Variants in PCDHGA12 observed in about 807,000 individuals in gnomAD.
PCDHGA12 encodes protocadherin gamma-A12.
A neutral mutation model predicts 61.1 loss-of-function variants in PCDHGA12; 43 were observed. That is an observed-to-expected ratio of 0.70 (90% CI 0.55 to 0.91). PCDHGA12 has a LOEUF of 0.91. Ranked by LOEUF, PCDHGA12 falls within the 40% of genes least tolerant of loss-of-function variation. The probability of loss-of-function intolerance (pLI) is 0.00; values close to 1 mark genes in which losing one functional copy is unlikely to be tolerated. For missense variants in PCDHGA12, 1,236 were observed against 1,227.7 expected (o/e 1.01, Z -0.10); for synonymous variants, 520 against 542.9 (o/e 0.96, Z 0.59).
rs745612756 is a variant in PCDHGA12 at position 141,487,150 on chromosome 5, T to C, written c.2425-7657T>C. The C allele has an allele frequency of 1.1e-5, 17 of 1,613,960 alleles. No individual in the cohort carries two copies. In the South Asian group the frequency reaches 1.6e-4, roughly 16 times the overall value. On this transcript the variant is annotated intron_variant, in intron 1 of 3. Transcript: ENST00000252085. This position sits in a 1 kb window ranked among gnomAD's most constrained non-coding sequence, Gnocchi z 5.0. The stretch of plus-strand genomic sequence containing the variant: ...GTAGTCCACCACTCTCTACCTCTGT[T>C]ACTCTCTTAGTGTCCTTAGAGGAAG...
At chr5:141,465,266 C>G (rs2099099623) in intron 1 of PCDHGA12, among the ~76,000 whole-genome samples, 1 of 152,096 alleles carries the variant, frequency 6.6e-6, no homozygotes, top group South Asian at 2.1e-4. Flanking sequence ...ATGATACTAG[C>G]CATTTAGTTC....
In PCDHGA12 at chr5:141,476,504, G is replaced by A; in HGVS notation, c.2425-18303G>A. On this transcript the variant is annotated intron_variant, in intron 1 of 3. Coordinates refer to ENST00000252085, the MANE Select transcript of PCDHGA12 (RefSeq NM_003735.3). This position sits in a 1 kb window ranked among gnomAD's most constrained non-coding sequence, Gnocchi z 7.6. ...GGAAGTGGTGATCCAGGACATCAAC[G>A]ACAACAATCCTGCTTTCCCTACCCA... The A allele has an allele frequency of 6.2e-7, 1 of 1,614,098 alleles. No individual in the cohort carries two copies. The highest frequency in any genetic ancestry group is 2.2e-5 in the East Asian group (1 of 44,854).
intron 1 of PCDHGA12, among the ~76,000 whole-genome samples, chr5:141,482,498 T>G (rs1226516612): frequency 1.5e-5 from 2 of 135,390 alleles, no homozygotes; most frequent in African/African-American, 3.0e-5. Context: ...GTTATCATTC[T>G]GGTACCCAGA....
At position 141,490,181 on chromosome 5, in the gene PCDHGA12, G is replaced by A. The variant is rs755899660; in HGVS notation, c.2425-4626G>A. ...GGTCCCATAGACTTTGAGGAGTCACGTTTCTATGAAATTCATGCAAGAGCC... is the reference window on the plus strand; with the variant it reads ...GGTCCCATAGACTTTGAGGAGTCACATTTCTATGAAATTCATGCAAGAGCC... On this transcript the variant is annotated intron_variant, in intron 1 of 3. Coordinates refer to ENST00000252085, the MANE Select transcript of PCDHGA12 (RefSeq NM_003735.3). This position sits in a 1 kb window ranked among gnomAD's most constrained non-coding sequence, Gnocchi z 5.4. The A allele has an allele frequency of 9.9e-6, 16 of 1,614,200 alleles. No homozygotes were observed. Among genetic ancestry groups the A allele is most frequent in the Middle Eastern group, 1.6e-4 (1 of 6,062 alleles).
At chr5:141,459,874 A>G (rs922438277) in intron 1 of PCDHGA12, among the ~76,000 whole-genome samples, 10 of 152,156 alleles carry the variant, frequency 6.6e-5, no homozygotes, top group African/African-American at 2.4e-4. Flanking sequence ...TTCATCTTTA[A>G]CTGAGCTGAA....
Position 141,431,581 on chromosome 5 carries a change from T to A in PCDHGA12, c.822T>A (p.Asn274Lys), listed in dbSNP as rs749863807. Reference sequence around the variant, plus strand: ...CTACCGACCCTGACGAAGGAGTCAATGCGGAAGTGAGGTATTCCTTCCGGT... The same window carrying A: ...CTACCGACCCTGACGAAGGAGTCAAAGCGGAAGTGAGGTATTCCTTCCGGT... ...VNATDPDEGVNAEVRYSFRYV... is the reference protein window; with the variant it reads ...VNATDPDEGVKAEVRYSFRYV... The change falls in exon 1 of 4, where the codon AAT becomes AAA. Residue 274 changes from asparagine to lysine, a missense_variant. Asn to Lys is a moderately conservative substitution (Grantham distance 94). Coordinates refer to ENST00000252085, the MANE Select transcript of PCDHGA12 (RefSeq NM_003735.3). This position sits in a 1 kb window ranked among gnomAD's most constrained non-coding sequence, Gnocchi z 4.8. 3.1e-6 allele frequency: 5 copies of A among 1,614,160 alleles called. No individual in the cohort carries two copies. In the South Asian group the frequency reaches 5.5e-5, roughly 18 times the overall value.
intron 1 of PCDHGA12, among the ~76,000 whole-genome samples, chr5:141,482,435 A>G (rs2099559555): frequency 6.6e-6 from 1 of 150,568 alleles, no homozygotes; most frequent in South Asian, 2.1e-4. Flanking sequence ...GATAATACTG[A>G]TATTCACCAT....
intron 1 of PCDHGA12, among the ~76,000 whole-genome samples, chr5:141,453,261 A>G (rs1387512741): frequency 6.6e-6 from 1 of 152,028 alleles, no homozygotes; most frequent in Non-Finnish European, 1.5e-5. Context: ...CTGCAAGTGC[A>G]CACCACCATG....
intron 1 of PCDHGA12, among the ~76,000 whole-genome samples, chr5:141,454,371 G>A (rs901551817): frequency 6.6e-6 from 1 of 152,096 alleles, no homozygotes; most frequent in Non-Finnish European, 1.5e-5. Context: ...AAGGAGTATG[G>A]CAACTTGTCA....
At chr5:141,495,379 C>T (rs989240656) in intron 2 of PCDHGA12, among the ~76,000 whole-genome samples, 3 of 152,208 alleles carry the variant, frequency 2.0e-5, no homozygotes, top group Non-Finnish European at 4.4e-5. Context: ...TGAGGAAGGA[C>T]TGGGCGGGGC....
At position 141,433,030 on chromosome 5, in the gene PCDHGA12, T is replaced by C. The variant is rs116611363; in HGVS notation, c.2271T>C (p.Val757=). The part of the protein sequence containing the change: ...QAFLQTYSHE[V]SLTTDSRKSH... ...TCCTGCAGACCTATTCCCACGAGGTTTCCCTCACCACGGACTCGCGGAAGA... is the reference window on the plus strand; with the variant it reads ...TCCTGCAGACCTATTCCCACGAGGTCTCCCTCACCACGGACTCGCGGAAGA... The change falls in exon 1 of 4, where the codon GTT becomes GTC. Residue 757 remains valine (V), a synonymous_variant. Transcript: ENST00000252085. 10,352 of 1,614,096 alleles carry C rather than the reference T, an allele frequency of 6.4e-3. 43 individuals are homozygous for C. The highest frequency in any genetic ancestry group is 8.6e-3 in the Middle Eastern group (52 of 6,062).
intron 3 of PCDHGA12, among the ~76,000 whole-genome samples, chr5:141,505,875 T>C (rs991981462): frequency 2.6e-4 from 40 of 152,140 alleles, no homozygotes; most frequent in African/African-American, 9.2e-4. Flanking sequence ...AAAGGGTTGT[T>C]GTAGAGATTA....
chr5:141,481,970 A>G (rs2099549884), intron 1 of PCDHGA12, among the ~76,000 whole-genome samples: 1 of 151,510 alleles, frequency 6.6e-6, no homozygotes, highest in Non-Finnish European at 1.5e-5. Flanking sequence ...CTGTAGTCAC[A>G]GCTACTTGGG....
chr5:141,440,181 G>A (rs1419736461), intron 1 of PCDHGA12: 7 of 152,312 alleles, frequency 4.6e-5, no homozygotes, highest in Non-Finnish European at 8.8e-5. Context: ...CTTTGAAATA[G>A]TTGAAGGCCA....
rs374200575 is a variant in PCDHGA12 at position 141,432,105 on chromosome 5, C to G, written c.1346C>G (p.Pro449Arg). Residue 449 changes from proline to arginine, a missense_variant, in exon 1 of 4, where the codon CCG becomes CGG. Pro to Arg is a moderately radical substitution (Grantham distance 103). Transcript: ENST00000252085. This position sits in a 1 kb window ranked among gnomAD's most constrained non-coding sequence, Gnocchi z 6.0. The stretch of plus-strand genomic sequence containing the variant: ...AACGTGGCAGACACCAACGACAACC[C>G]GCCGGTCTTCCCTCAGGCCTCCTAT... ...SLNVADTNDN[P>R]PVFPQASYSA... 1.2e-6 allele frequency: 2 copies of G among 1,614,172 alleles called. No individual in the cohort carries two copies. Among genetic ancestry groups the G allele is most frequent in the Non-Finnish European group, 1.7e-6 (2 of 1,180,034 alleles).
chr5:141,486,725 C>A lies in PCDHGA12; in HGVS notation c.2425-8082C>A. 1 of 1,614,182 alleles carries A rather than the reference C, an allele frequency of 6.2e-7. No individual in the cohort carries two copies. The highest frequency in any genetic ancestry group is 1.1e-5 in the South Asian group (1 of 91,076). On this transcript the variant is annotated intron_variant, in intron 1 of 3. Transcript: ENST00000252085. The surrounding 1 kb of genome is among the most constrained non-coding windows in gnomAD (Gnocchi z 5.0). ...TCTGAACCCCCAGACAGGAGCTGTT[C>A]ATGCTACTCGATCCTTTGACTATGA...
intron 1 of PCDHGA12, 129 bp from the exon 2 acceptor site, chr5:141,494,678 G>T: frequency 1.3e-6 from 2 of 1,554,384 alleles, no homozygotes; most frequent in East Asian, 4.7e-5. Flanking sequence ...GTCCACCCCT[G>T]CCCCCTCTTA....
Position 141,487,246 on chromosome 5 carries a change from C to T in PCDHGA12, c.2425-7561C>T. 1 of 1,614,166 alleles carries T rather than the reference C, an allele frequency of 6.2e-7. No individual in the cohort carries two copies. The highest frequency in any genetic ancestry group is 8.5e-7 in the Non-Finnish European group (1 of 1,180,014). ...GGGAAGGAGAATCTCGTCTAACCCTCTACTTGGCTGTGTCCCTAGTGGCAA... is the reference window on the plus strand; with the variant it reads ...GGGAAGGAGAATCTCGTCTAACCCTTTACTTGGCTGTGTCCCTAGTGGCAA... On this transcript the variant is annotated intron_variant, in intron 1 of 3. Coordinates refer to ENST00000252085, the MANE Select transcript of PCDHGA12 (RefSeq NM_003735.3). This position sits in a 1 kb window ranked among gnomAD's most constrained non-coding sequence, Gnocchi z 5.0.
chr5:141,496,277 T>C (rs1484877198), intron 2 of PCDHGA12, among the ~76,000 whole-genome samples: 1 of 152,134 alleles, frequency 6.6e-6, no homozygotes, highest in Non-Finnish European at 1.5e-5. Context: ...AGACCTTCAG[T>C]TGGTCTGAGC....
Sources: gnomAD v4.1 joint callset for allele counts (sites outside exome capture counted in the v4.1 genomes callset) on GRCh38, gnomAD v4.1.1 for gene constraint, Gnocchi (gnomAD v3.1) non-coding constraint, MANE v1.5 for transcripts, NCBI Gene and HGNC (gene_info 2026-07-23, HGNC 2026-07-21) for gene names.